The following NUDCD3 variants were observed in gnomAD, a reference collection of about 807,000 sequenced individuals.
NUDCD3 encodes nudC domain-containing protein 3.
In NUDCD3, 13 loss-of-function variants were observed where a neutral mutation model predicts 39.7. The ratio of observed to expected loss-of-function variants is 0.33; its 90% CI spans 0.21 to 0.52. NUDCD3 has a LOEUF of 0.52. Among genes scored for constraint, NUDCD3 ranks in the 20% least tolerant of loss-of-function variants. The pLI is 0.96. For missense variants in NUDCD3, 453 were observed against 458.1 expected (o/e 0.99, Z 0.10); for synonymous variants, 175 against 172.4 (o/e 1.02, Z -0.12).
At chr7:44,418,182 G>A (rs896999364) in intron 3 of NUDCD3, among the ~76,000 whole-genome samples, 16 of 152,178 alleles carry the variant, frequency 1.1e-4, no homozygotes, top group Admixed American at 1.3e-4. Context: ...TCAGCTCCAG[G>A]CCAGCCTGGA....
At chr7:44,460,445 C>T (rs1253244890) in intron 2 of NUDCD3, among the ~76,000 whole-genome samples, 1 of 152,130 alleles carries the variant, frequency 6.6e-6, no homozygotes, top group African/African-American at 2.4e-5. Flanking sequence ...CCATTATGAA[C>T]ATGCTCTACT....
chr7:44,401,434 G>A (rs1798724347), intron 4 of NUDCD3, among the ~76,000 whole-genome samples: 1 of 152,242 alleles, frequency 6.6e-6, no homozygotes, highest in Non-Finnish European at 1.5e-5. Context: ...GTTTACTGCA[G>A]TAGAGGCTAC....
intron 4 of NUDCD3, among the ~76,000 whole-genome samples, chr7:44,402,162 C>A (rs1158492347): frequency 1.3e-5 from 2 of 152,214 alleles, no homozygotes; most frequent in African/African-American, 2.4e-5. Flanking sequence ...TCTAGCTCTA[C>A]CCGCTTCGCA....
intron 2 of NUDCD3, among the ~76,000 whole-genome samples, chr7:44,483,451 T>TA (rs1011620870): frequency 1.2e-4 from 18 of 152,344 alleles, no homozygotes; most frequent in African/African-American, 4.1e-4. Context: ...ATCTGCACTA[T>TA]AAAAAATATT....
At chr7:44,413,817 C>A (rs1316986722) in intron 3 of NUDCD3, among the ~76,000 whole-genome samples, 1 of 152,128 alleles carries the variant, frequency 6.6e-6, no homozygotes, top group Non-Finnish European at 1.5e-5. Context: ...CTTTGGGAGA[C>A]CAAGGTAAAT....
chr7:44,442,509 G>A (rs537545877), intron 2 of NUDCD3, among the ~76,000 whole-genome samples: 2 of 152,214 alleles, frequency 1.3e-5, no homozygotes, highest in African/African-American at 4.8e-5. Flanking sequence ...GGACACTCAG[G>A]CTGAATCACT....
chr7:44,472,412 T>G (rs1344486506), intron 2 of NUDCD3, among the ~76,000 whole-genome samples: 13 of 152,162 alleles, frequency 8.5e-5, no homozygotes, highest in Non-Finnish European at 2.9e-5. Flanking sequence ...AAGCAAGACT[T>G]GAGTAAATAA....
At position 44,490,584 on chromosome 7, in the gene NUDCD3, G is replaced by A. The variant is rs1183887921; in HGVS notation, c.17C>T (p.Ala6Val). The change falls in exon 1 of 6, where the codon GCC becomes GTC. Residue 6 changes from alanine to valine, a missense_variant. By Grantham distance (64) the Ala-to-Val change is moderately conservative. Coordinates refer to ENST00000355451, the MANE Select transcript of NUDCD3 (RefSeq NM_015332.4). METGAAELYDQALLGI... is the reference protein window; with the variant it reads METGAVELYDQALLGI... ...CAAAAGGGCCTGGTCATACAGCTCG[G>A]CCGCCCCTGTCTCCATGTCGCCTCC... 7 of 1,608,976 alleles carry A rather than the reference G, an allele frequency of 4.4e-6. No homozygotes were observed. Among genetic ancestry groups the A allele is most frequent in the Non-Finnish European group, 5.9e-6 (7 of 1,177,862 alleles).
intron 2 of NUDCD3, among the ~76,000 whole-genome samples, chr7:44,439,397 T>C (rs1216534433): frequency 1.3e-5 from 2 of 152,156 alleles, no homozygotes; most frequent in Non-Finnish European, 2.9e-5. Context: ...ATGTCCTGGC[T>C]TGGTCTGCTG....
intron 2 of NUDCD3, among the ~76,000 whole-genome samples, chr7:44,467,115 CAG>C (rs1800133416): frequency 6.6e-6 from 1 of 152,198 alleles, no homozygotes; most frequent in South Asian, 2.1e-4. Context: ...CTCTGCAGGG[CAG>C]AGTGTGCTGC....
chr7:44,398,320 G>A (rs575556287), intron 4 of NUDCD3, among the ~76,000 whole-genome samples: 166 of 152,188 alleles, frequency 1.1e-3, no homozygotes, highest in African/African-American at 3.8e-3. Context: ...TGGCCTCTCT[G>A]GTCTCTCAAT....
chr7:44,392,571 G>T (rs932338914), intron 4 of NUDCD3, 86 bp from the exon 5 acceptor site: 2 of 1,203,594 alleles, frequency 1.7e-6, no homozygotes, highest in African/African-American at 1.5e-5. Context: ...ACTGAGGGAT[G>T]GGTGTCCAGG....
chr7:44,438,992 G>A (rs1328628755), intron 2 of NUDCD3, among the ~76,000 whole-genome samples: 1 of 152,180 alleles, frequency 6.6e-6, no homozygotes, highest in Non-Finnish European at 1.5e-5. Context: ...TCGGTGAAGA[G>A]GAGGCCAGTG....
At position 44,384,770 on chromosome 7, in the gene NUDCD3, C is replaced by T. The variant is rs1798371945; in HGVS notation, c.*1241G>A. 2.0e-5 allele frequency: 3 copies of T among 152,254 alleles called. No homozygotes were observed. Among genetic ancestry groups the T allele is most frequent in the Non-Finnish European group, 2.9e-5 (2 of 68,116 alleles). 9.4% of individuals were successfully genotyped at this position (152,254 alleles called of 1,614,324 possible). A position where few individuals can be genotyped will look rare whatever the true frequency, so the allele number is the denominator to read the frequency against. ...TGACAGACAGGCAAATGGACAGTGC[C>T]GGTGGCAGCTGAACCATACTCCCGG... On this transcript the variant is annotated 3_prime_UTR_variant, in exon 6 of 6. Coordinates refer to ENST00000355451, the MANE Select transcript of NUDCD3 (RefSeq NM_015332.4).
At chr7:44,438,039 C>T (rs1048522337) in intron 2 of NUDCD3, among the ~76,000 whole-genome samples, 5 of 152,146 alleles carry the variant, frequency 3.3e-5, no homozygotes, top group African/African-American at 7.2e-5. Flanking sequence ...AGATAATCTA[C>T]GCCATAAATA....
intron 4 of NUDCD3, among the ~76,000 whole-genome samples, chr7:44,394,026 C>T (rs1034084646): frequency 4.6e-5 from 7 of 152,224 alleles, no homozygotes; most frequent in African/African-American, 1.7e-4. Flanking sequence ...AGGTACTCAG[C>T]ACCAGACTCT....
At chr7:44,433,493 GT>G (rs1363871316) in intron 2 of NUDCD3, among the ~76,000 whole-genome samples, 4 of 152,078 alleles carry the variant, frequency 2.6e-5, no homozygotes, top group African/African-American at 9.7e-5. Context: ...TGCAATGTGT[GT>G]GTGGTGCATG....
intron 5 of NUDCD3, among the ~76,000 whole-genome samples, chr7:44,390,591 T>G (rs28379602): frequency 0.14 from 20,562 of 152,134 alleles, 1,714 homozygotes; most frequent in Non-Finnish European, 0.19. Flanking sequence ...CTTCTTATCT[T>G]TCTGGAACAA....
chr7:44,490,583 G>C lies in NUDCD3; in HGVS notation c.18C>G (p.Ala6=). 3.1e-6 allele frequency: 5 copies of C among 1,609,034 alleles called. No homozygotes were observed. Among genetic ancestry groups the C allele is most frequent in the Non-Finnish European group, 3.4e-6 (4 of 1,177,878 alleles). METGA[A]ELYDQALLGI... ...CCAAAAGGGCCTGGTCATACAGCTC[G>C]GCCGCCCCTGTCTCCATGTCGCCTC... The change falls in exon 1 of 6, where the codon GCC becomes GCG. Residue 6 remains alanine, a synonymous_variant. Transcript: ENST00000355451.
Sources: gnomAD v4.1 joint callset for allele counts (sites outside exome capture counted in the v4.1 genomes callset) on GRCh38, gnomAD v4.1.1 for gene constraint, MANE v1.5 for transcripts, NCBI Gene and HGNC (gene_info 2026-07-23, HGNC 2026-07-21) for gene names.